The following IDE variants were observed in gnomAD, a reference collection of about 807,000 sequenced individuals.
IDE encodes the protein insulin degrading enzyme, also known as insulin-degrading enzyme.
Under a neutral mutation model 133.2 loss-of-function variants are expected in IDE, and 58 were observed. The observed-to-expected ratio is 0.44, with a 90% CI of 0.35 to 0.54. The LOEUF (loss-of-function observed/expected upper bound fraction) is 0.54. Among genes scored for constraint, IDE ranks in the 20% least tolerant of loss-of-function variants. The pLI, the probability that IDE is intolerant of heterozygous loss-of-function variation, is 0.00. For missense variants in IDE, 981 were observed against 1,234.0 expected, an observed-to-expected ratio of 0.79 and a Z score of 3.07; for synonymous variants, 396 against 421.3, an observed-to-expected ratio of 0.94 and a Z score of 0.73.
intron 1 of IDE, among the ~76,000 whole-genome samples, chr10:92,567,695 T>C (rs1431531268): frequency 1.3e-5 from 2 of 152,168 alleles, no homozygotes; most frequent in African/African-American, 2.4e-5. Flanking sequence ...TTTTCTCTTC[T>C]GGTTGTGGTG....
chr10:92,498,300 A>AAAATT (rs891603980), intron 11 of IDE, among the ~76,000 whole-genome samples: 1 of 152,214 alleles, frequency 6.6e-6, no homozygotes, highest in African/African-American at 2.4e-5. Flanking sequence ...AAAACCACAC[A>AAAATT]AAATTAGTAA....
chr10:92,499,386 C>T (rs1847887997), intron 11 of IDE, among the ~76,000 whole-genome samples: 1 of 151,854 alleles, frequency 6.6e-6, no homozygotes. Context: ...CTCAGGTGAT[C>T]CACCCACTTT....
rs555097064 is a variant in IDE, at chr10:92,561,119, G to A, written c.98+12803C>T. On this transcript the variant is annotated intron_variant, in intron 1 of 24. Coordinates refer to ENST00000265986, the MANE Select transcript of IDE (RefSeq NM_004969.4). ...AAAAAATACAAACATTAGCGGGCAC[G>A]GTGGTGGGCGCCTGTAATCCCAGCT... Among the ~76,000 whole-genome samples, 25 of 151,962 alleles carry A rather than the reference G, an allele frequency of 1.6e-4. No homozygotes were observed. The East Asian group carries it at 4.3e-3, about 26-fold the overall frequency.
chr10:92,568,150 T>C (rs1843638388), intron 1 of IDE, among the ~76,000 whole-genome samples: 1 of 152,146 alleles, frequency 6.6e-6, no homozygotes, highest in South Asian at 2.1e-4. Flanking sequence ...GTCAAGCAAG[T>C]AGACCAGTGT....
intron 1 of IDE, among the ~76,000 whole-genome samples, chr10:92,549,955 G>C (rs1842704196): frequency 1.3e-5 from 2 of 152,048 alleles, no homozygotes; most frequent in African/African-American, 4.8e-5. Flanking sequence ...GATCACCTGA[G>C]GTCAGGAGTT....
chr10:92,527,547 T>C (rs1255708219), intron 4 of IDE, among the ~76,000 whole-genome samples: 1 of 152,230 alleles, frequency 6.6e-6, no homozygotes, highest in Non-Finnish European at 1.5e-5. Context: ...ATTTATGTTA[T>C]ATAGAGTTTA....
At chr10:92,533,699 T>G (rs1206183450) in intron 3 of IDE, among the ~76,000 whole-genome samples, 1 of 142,120 alleles carries the variant, frequency 7.0e-6, no homozygotes, top group Non-Finnish European at 1.5e-5. Context: ...AATTGTTAGC[T>G]GTATAAAAAA....
rs559049783 is a variant in IDE at position 92,531,928 on chromosome 10, G to A, written c.492-11C>T. On this transcript the variant is annotated splice_polypyrimidine_tract_variant and intron_variant, in intron 3 of 24. Transcript: ENST00000265986. Reference sequence around the variant, plus strand: ...AAAAACTGTGCAAACCTAAGGGTACGAAACATAATTAAAACTTGAAAGATG... The same window carrying A: ...AAAAACTGTGCAAACCTAAGGGTACAAAACATAATTAAAACTTGAAAGATG... 11 of 1,469,406 alleles carry A rather than the reference G, an allele frequency of 7.5e-6. No individual in the cohort carries two copies. Among genetic ancestry groups the A allele is most frequent in the African/African-American group, 5.6e-5 (4 of 70,820 alleles). 91.0% of individuals were successfully genotyped at this position (1,469,406 alleles called of 1,614,324 possible). A position where few individuals can be genotyped will look rare whatever the true frequency, so the allele number is the denominator to read the frequency against.
In IDE at chr10:92,570,492, A is replaced by G. The variant is rs1204550761; in HGVS notation, c.98+3430T>C. 2.6e-5 allele frequency among the ~76,000 whole-genome samples: 4 copies of G among 152,226 alleles called. No individual in the cohort carries two copies. The East Asian group carries it at 5.8e-4, about 22-fold the overall frequency. On this transcript the variant is annotated intron_variant, in intron 1 of 24. Coordinates refer to ENST00000265986, the MANE Select transcript of IDE (RefSeq NM_004969.4). ...GAAGGCTCCAGAACCTAACATATCT[A>G]TAGAGGATCTACCCCTGTGGAGGGA...
chr10:92,509,225 C>T (rs375842868), intron 6 of IDE, among the ~76,000 whole-genome samples: 2 of 152,340 alleles, frequency 1.3e-5, no homozygotes, highest in East Asian at 1.9e-4. Context: ...AAGACCAGAA[C>T]ATATTGATAT....
intron 11 of IDE, among the ~76,000 whole-genome samples, chr10:92,494,212 C>T (rs1589419942): frequency 6.8e-6 from 1 of 147,724 alleles, no homozygotes; most frequent in Non-Finnish European, 1.5e-5. Flanking sequence ...CAGGCATATA[C>T]CACCATACCC....
At chr10:92,459,554 T>TA (rs1283393353) in intron 22 of IDE, among the ~76,000 whole-genome samples, 1 of 152,112 alleles carries the variant, frequency 6.6e-6, no homozygotes, top group Non-Finnish European at 1.5e-5. Context: ...GCTAGAACAT[T>TA]AAGGGACAAT....
chr10:92,474,794 T>C (rs752194742), intron 17 of IDE, 47 bp downstream of exon 17: 11 of 1,560,468 alleles, frequency 7.0e-6, no homozygotes, highest in Non-Finnish European at 9.6e-6. Context: ...AAAATGAATT[T>C]AGGAAAAAAA....
chr10:92,554,055 G>A (rs1457440810), intron 1 of IDE, among the ~76,000 whole-genome samples: 1 of 152,158 alleles, frequency 6.6e-6, no homozygotes, highest in Non-Finnish European at 1.5e-5. Flanking sequence ...TATCACTGAT[G>A]AATATTGATG....
At chr10:92,526,933 C>T (rs958530439) in intron 4 of IDE, among the ~76,000 whole-genome samples, 4 of 151,834 alleles carry the variant, frequency 2.6e-5, no homozygotes, top group African/African-American at 9.7e-5. Flanking sequence ...CATCCTCCTG[C>T]CTCAGCCTCC....
intron 5 of IDE, among the ~76,000 whole-genome samples, chr10:92,513,885 G>A (rs1269366725): frequency 1.3e-5 from 2 of 151,850 alleles, no homozygotes; most frequent in Non-Finnish European, 2.9e-5. Context: ...TGGTAGGGTG[G>A]ACAACAAAAA....
intron 4 of IDE, among the ~76,000 whole-genome samples, 171 bp downstream of exon 4, chr10:92,531,577 A>C (rs1849927311): frequency 6.6e-6 from 1 of 152,208 alleles, no homozygotes; most frequent in African/African-American, 2.4e-5. Context: ...TGTAAGTAGA[A>C]ATGTGGAATT....
At chr10:92,508,359 G>A (rs1256095928) in intron 7 of IDE, among the ~76,000 whole-genome samples, 154 bp from the exon 8 acceptor site, 3 of 152,126 alleles carry the variant, frequency 2.0e-5, no homozygotes, top group African/African-American at 4.8e-5. Flanking sequence ...CAGAAAAGCA[G>A]TTTAAGATGG....
Position 92,479,362 on chromosome 10 carries a change from AG to A in IDE, c.1798del (p.Leu600SerfsTer14), listed in dbSNP as rs1188735655. ...TGCATACTCGTTGAGTGAGTCTTTG[AG>A]GAGCTCAAGGTACAAATAGGCCATG... ...CNMAYLYLEL[L>X]KDSLNEYAYA... On this transcript the variant is annotated frameshift_variant, in exon 15 of 25. Transcript: ENST00000265986. LOFTEE classifies it high-confidence loss of function. The A allele has an allele frequency of 6.2e-7, 1 of 1,613,506 alleles. No individual in the cohort carries two copies. Among genetic ancestry groups the A allele is most frequent in the South Asian group, 1.1e-5 (1 of 91,060 alleles).
Sources: gnomAD v4.1 joint callset for allele counts (sites outside exome capture counted in the v4.1 genomes callset) on GRCh38, gnomAD v4.1.1 for gene constraint, MANE v1.5 for transcripts, NCBI Gene and HGNC (gene_info 2026-07-23, HGNC 2026-07-21) for gene names.